The following WIZ variants were observed in gnomAD, a reference collection of about 807,000 sequenced individuals.
WIZ encodes the protein protein Wiz.
Under a neutral mutation model 140.2 loss-of-function variants are expected in WIZ, and 25 were observed. The ratio of observed to expected loss-of-function variants is 0.18; its 90% CI spans 0.13 to 0.25. WIZ has a LOEUF of 0.25. WIZ is among the 10% of genes least tolerant of loss of function. WIZ has a pLI of 1.00. For missense variants in WIZ, 2,231 were observed against 2,632.6 expected (o/e 0.85, Z 3.34); for synonymous variants, 1,125 against 1,154.3 (o/e 0.97, Z 0.51).
Position 15,435,133 on chromosome 19 carries a change from G to A in WIZ, c.2740+1673C>T, listed in dbSNP as rs74403656. Among the ~76,000 whole-genome samples the A allele has an allele frequency of 1.6e-4, 25 of 152,132 alleles. No homozygotes were observed. The East Asian group carries it at 4.1e-3, about 25-fold the overall frequency. On this transcript the variant is annotated intron_variant, in intron 5 of 12. Coordinates refer to ENST00000673675, the MANE Select transcript of WIZ (RefSeq NM_001371589.1). Reference sequence around the variant, plus strand: ...CTCAGGAGTCTGAGGCAGGAGAATCGCTTGAACCTGGGCAGCGGAGGCTGC... The same window carrying A: ...CTCAGGAGTCTGAGGCAGGAGAATCACTTGAACCTGGGCAGCGGAGGCTGC...
chr19:15,428,636 G>A lies in WIZ; in HGVS notation c.3416-128C>T, dbSNP rs1969018090. 1 of 1,108,112 alleles carries A rather than the reference G, an allele frequency of 9.0e-7. No homozygotes were observed. The highest frequency in any genetic ancestry group is 2.4e-5 in the Admixed American group (1 of 41,710). 68.6% of individuals were successfully genotyped at this position (1,108,112 alleles called of 1,614,324 possible). On this transcript the variant is annotated intron_variant, in intron 7 of 12. Coordinates refer to ENST00000673675, the MANE Select transcript of WIZ (RefSeq NM_001371589.1). The surrounding 1 kb of genome is among the most constrained non-coding windows in gnomAD (Gnocchi z 6.4). ...TGGGGGGTCCAAGACTCAGGCCGCAGATTTCTTTTGAAGTTTGGGAAGCAG... is the reference window on the plus strand; with the variant it reads ...TGGGGGGTCCAAGACTCAGGCCGCAAATTTCTTTTGAAGTTTGGGAAGCAG...
chr19:15,445,110 G>A (rs916345660), intron 2 of WIZ, among the ~76,000 whole-genome samples: 6 of 152,258 alleles, frequency 3.9e-5, no homozygotes, highest in Non-Finnish European at 4.4e-5. Flanking sequence ...CAGATGAGGC[G>A]CTAGGTCGCA....
intron 2 of WIZ, among the ~76,000 whole-genome samples, chr19:15,446,446 CTCAGTTATTAAT>C (rs1351834863): frequency 1.2e-4 from 18 of 152,302 alleles, no homozygotes; most frequent in African/African-American, 4.1e-4. Flanking sequence ...CAGTTATTAA[CTCAGTTATTAAT>C]GGCTTAGAGG....
In WIZ at chr19:15,427,438, G is replaced by A. The variant is rs577466175; in HGVS notation, c.3910C>T (p.Leu1304=). 6.2e-7 allele frequency: 1 copy of A among 1,613,750 alleles called. No homozygotes were observed. Among genetic ancestry groups the A allele is most frequent in the African/African-American group, 1.3e-5 (1 of 75,064 alleles). Residue 1304 remains leucine (L), a synonymous_variant, in exon 9 of 13, where the codon CTG becomes TTG. Transcript: ENST00000673675. The surrounding 1 kb of genome is among the most constrained non-coding windows in gnomAD (Gnocchi z 6.4). ...CACTCGGTCACGCCCATTTGCCGCAGATGGGAGCGCGCGTGGCTCGAGAGG... is the reference window on the plus strand; with the variant it reads ...CACTCGGTCACGCCCATTTGCCGCAAATGGGAGCGCGCGTGGCTCGAGAGG... ...KGLSSHARSH[L]RQMGVTEWYV...
At chr19:15,432,283 G>A (rs567581577) in intron 5 of WIZ, among the ~76,000 whole-genome samples, 2 of 152,032 alleles carry the variant, frequency 1.3e-5, no homozygotes, top group Admixed American at 6.5e-5. Context: ...GACCCTGCGA[G>A]CGGCGACAGA....
rs182325827 is a variant in WIZ at position 15,442,496 on chromosome 19, G to C, written c.278+180C>G. On this transcript the variant is annotated intron_variant, in intron 3 of 12. Transcript: ENST00000673675. This position sits in a 1 kb window ranked among gnomAD's most constrained non-coding sequence, Gnocchi z 5.5. ...GAGTTGACCCTCTGTGTTCATTCCA[G>C]ACCTCCCCCAACCCCAGCACACGCC... 1.3e-5 allele frequency among the ~76,000 whole-genome samples: 2 copies of C among 152,274 alleles called. No individual in the cohort carries two copies. The highest frequency in any genetic ancestry group is 3.9e-4 in the East Asian group (2 of 5,172).
rs1320835820 is a variant in WIZ, at chr19:15,440,750, T to C, written c.279-35A>G. Reference sequence around the variant, plus strand: ...AGTGCCAATGGGGACAGGTTAGCCATGGGCTGCAGTTTTCCTTCCTAGGGT... The same window carrying C: ...AGTGCCAATGGGGACAGGTTAGCCACGGGCTGCAGTTTTCCTTCCTAGGGT... On this transcript the variant is annotated intron_variant, in intron 3 of 12. Coordinates refer to ENST00000673675, the MANE Select transcript of WIZ (RefSeq NM_001371589.1). The surrounding 1 kb of genome is among the most constrained non-coding windows in gnomAD (Gnocchi z 6.2). The C allele has an allele frequency of 1.4e-6, 2 of 1,443,200 alleles. No homozygotes were observed. Among genetic ancestry groups the C allele is most frequent in the African/African-American group, 1.4e-5 (1 of 69,896 alleles). The allele number at this position is 1,443,200 out of a possible 1,614,324, so 89.4% of individuals were successfully genotyped here.
chr19:15,430,161 C>G (rs1969137939), intron 6 of WIZ, 72 bp from the exon 7 acceptor site: 2 of 1,439,614 alleles, frequency 1.4e-6, no homozygotes, highest in Non-Finnish European at 1.8e-6. Context: ...TTCTCCTCCC[C>G]TGAGAGTCCC....
rs753722714 is a variant in WIZ at position 15,425,793 on chromosome 19, AAGGAGG to A, written c.4367-31_4367-26del. On this transcript the variant is annotated intron_variant, in intron 9 of 12. Coordinates refer to ENST00000673675, the MANE Select transcript of WIZ (RefSeq NM_001371589.1). The stretch of plus-strand genomic sequence containing the variant: ...GCTGCAGGGGATCCAGGGTAGGGGG[AAGGAGG>A]AGGAGGAGGAGGAGGAGGGAGGAGG... 1,855 of 1,050,764 alleles carry A rather than the reference AAGGAGG, an allele frequency of 1.8e-3. 13 individuals are homozygous for A. The highest frequency in any genetic ancestry group is 2.0e-3 in the Non-Finnish European group (1,672 of 841,550). 65.1% of individuals were successfully genotyped at this position (1,050,764 alleles called of 1,614,324 possible). A position where few individuals can be genotyped will look rare whatever the true frequency, so the allele number is the denominator to read the frequency against.
chr19:15,437,186 AC>A, intron 4 of WIZ, 57 bp from the exon 5 acceptor site: 1 of 1,446,656 alleles, frequency 6.9e-7, no homozygotes, highest in Non-Finnish European at 9.2e-7. Flanking sequence ...CCCAGCCCCA[AC>A]CCCTCCCCAT....
chr19:15,425,869 G>C (rs1186861206), intron 9 of WIZ, 101 bp from the exon 10 acceptor site: 1 of 145,276 alleles, frequency 6.9e-6, no homozygotes, highest in Non-Finnish European at 1.2e-5. Context: ...AGGAGGAGGA[G>C]GAGGAGGAGG....
rs909746552 is a variant in WIZ, at chr19:15,443,379, C to A, written c.206-631G>T. On this transcript the variant is annotated intron_variant, in intron 2 of 12. Coordinates refer to ENST00000673675, the MANE Select transcript of WIZ (RefSeq NM_001371589.1). ...GAGCCACTGTGCCCGGCCTAAAAAC[C>A]AGACTCTTAGCCGCCACCTACAAGG... Among the ~76,000 whole-genome samples, 3 of 152,120 alleles carry A rather than the reference C, an allele frequency of 2.0e-5. No individual in the cohort carries two copies. The East Asian group carries it at 5.8e-4, about 29-fold the overall frequency.
chr19:15,426,213 G>A (rs1279645393), intron 9 of WIZ, among the ~76,000 whole-genome samples: 1 of 151,986 alleles, frequency 6.6e-6, no homozygotes, highest in African/African-American at 2.4e-5. Context: ...ACTTTGGGAC[G>A]GTCTAAAATG....
In WIZ at chr19:15,422,351, C is replaced by G. The variant is rs1352169267; in HGVS notation, c.*725G>C. On this transcript the variant is annotated 3_prime_UTR_variant, in exon 13 of 13. Transcript: ENST00000673675. ...AGGAGTGGGGGAGGAGAGTCCCACC[C>G]CCCAACCCCACCCTCCAGGGCCCCA... The G allele has an allele frequency of 6.6e-6, 1 of 152,186 alleles. No homozygotes were observed. Among genetic ancestry groups the G allele is most frequent in the Non-Finnish European group, 1.5e-5 (1 of 68,068 alleles). The allele number at this position is 152,186 out of a possible 1,614,324, so 9.4% of individuals were successfully genotyped here. A position where few individuals can be genotyped will look rare whatever the true frequency, so the allele number is the denominator to read the frequency against.
intron 6 of WIZ, 149 bp downstream of exon 6, chr19:15,430,863 C>T: frequency 1.0e-6 from 1 of 991,492 alleles, no homozygotes; most frequent in Non-Finnish European, 1.4e-6. Flanking sequence ...AGAGAGAAGA[C>T]AGCTGAGTGC....
intron 5 of WIZ, chr19:15,436,450 AAAT>A (rs1969518019): frequency 5.2e-6 from 1 of 192,206 alleles, no homozygotes; most frequent in Non-Finnish European, 1.0e-5. Context: ...AAAGTGGAAG[AAAT>A]AATAACACCT....
Position 15,428,589 on chromosome 19 carries a change from G to T in WIZ, c.3416-81C>A, listed in dbSNP as rs1969014264. The T allele has an allele frequency of 6.6e-7, 1 of 1,516,056 alleles. No homozygotes were observed. The highest frequency in any genetic ancestry group is 2.0e-5 in the Admixed American group (1 of 48,828). 93.9% of individuals were successfully genotyped at this position (1,516,056 alleles called of 1,614,324 possible). On this transcript the variant is annotated intron_variant, in intron 7 of 12. Coordinates refer to ENST00000673675, the MANE Select transcript of WIZ (RefSeq NM_001371589.1). This position sits in a 1 kb window ranked among gnomAD's most constrained non-coding sequence, Gnocchi z 6.4. Reference sequence around the variant, plus strand: ...GGCCTGAGGTAGGAGGGTCTGGTGTGATTTTTGGCTGCTCAGGCAGTTGGG... The same window carrying T: ...GGCCTGAGGTAGGAGGGTCTGGTGTTATTTTTGGCTGCTCAGGCAGTTGGG...
intron 10 of WIZ, 32 bp downstream of exon 10, chr19:15,425,209 G>C: frequency 6.4e-7 from 1 of 1,554,748 alleles, no homozygotes; most frequent in Non-Finnish European, 8.7e-7. Context: ...CCTGGCGGTC[G>C]CCCTCCCAGG....
In WIZ at chr19:15,428,243, G is replaced by C. The variant is rs554897536; in HGVS notation, c.3681C>G (p.Pro1227=). ...GCTTGGCCTTCTTGGCCGGCGGTGG[G>C]GGGGGAAGCAAGGAGAGGGCCGCGG... ...PTSAALSLLP[P]PPPAKKAKLK... is the part of the protein sequence containing the mutation. Residue 1227 remains proline, a synonymous_variant, in exon 8 of 13, where the codon CCC becomes CCG. Coordinates refer to ENST00000673675, the MANE Select transcript of WIZ (RefSeq NM_001371589.1). The surrounding 1 kb of genome is among the most constrained non-coding windows in gnomAD (Gnocchi z 6.4). The C allele has an allele frequency of 7.7e-4, 1,174 of 1,531,260 alleles. 8 individuals are homozygous for C. Among genetic ancestry groups the C allele is most frequent in the Non-Finnish European group, 5.4e-4 (621 of 1,145,230 alleles). The allele number at this position is 1,531,260 out of a possible 1,614,324, so 94.9% of individuals were successfully genotyped here.
Sources: gnomAD v4.1 joint callset for allele counts (sites outside exome capture counted in the v4.1 genomes callset) on GRCh38, gnomAD v4.1.1 for gene constraint, Gnocchi (gnomAD v3.1) non-coding constraint, MANE v1.5 for transcripts, NCBI Gene and HGNC (gene_info 2026-07-23, HGNC 2026-07-21) for gene names.